Variants in CEP135 observed in about 807,000 individuals in gnomAD.
CEP135 encodes the protein centrosomal protein of 135 kDa.
In CEP135, 142 loss-of-function variants were observed where a neutral mutation model predicts 157.3. That is an observed-to-expected ratio of 0.90 (90% CI 0.79 to 1.04). CEP135 has a LOEUF of 1.04. Among genes scored for constraint, CEP135 ranks in the 50% least tolerant of loss-of-function variants. CEP135 has a pLI of 0.00. For synonymous variants in CEP135, 396 were observed against 439.8 expected (o/e 0.90, Z 1.25); for missense variants, 1,317 against 1,309.2 (o/e 1.01, Z -0.09).
chr4:56,022,804 C>T (rs979888048), intron 24 of CEP135, among the ~76,000 whole-genome samples: 20 of 152,022 alleles, frequency 1.3e-4, no homozygotes, highest in African/African-American at 4.6e-4. Flanking sequence ...ATGTGCAAGA[C>T]GATATGGTAG....
At chr4:55,978,151 C>G (rs1311309294) in intron 11 of CEP135, among the ~76,000 whole-genome samples, 1 of 152,112 alleles carries the variant, frequency 6.6e-6, no homozygotes, top group Non-Finnish European at 1.5e-5. Context: ...TTAGGGAAGT[C>G]AGTCAGTAAA....
intron 12 of CEP135, 30 bp from the exon 13 acceptor site, chr4:55,981,196 CT>C (rs771946521): frequency 1.9e-6 from 3 of 1,545,574 alleles, no homozygotes; most frequent in South Asian, 1.3e-5. Flanking sequence ...ACTAAAGTGC[CT>C]TTTTAATTTA....
Position 55,952,199 on chromosome 4 carries a change from G to C in CEP135, c.69G>C (p.Gln23His). 1 of 1,613,428 alleles carries C rather than the reference G, an allele frequency of 6.2e-7. No individual in the cohort carries two copies. The highest frequency in any genetic ancestry group is 8.5e-7 in the Non-Finnish European group (1 of 1,179,356). ...GGCTGGATCAGCTGGGATACCGCCA[G>C]ACTCTGACAGTGGAGTGTTTACCTT... ...RKRLDQLGYR[Q>H]TLTVECLPLV... Residue 23 changes from glutamine to histidine, a missense_variant, in exon 2 of 26, where the codon CAG (glutamine) becomes CAC (histidine). By Grantham distance (24) the Gln-to-His change is conservative. Coordinates refer to ENST00000257287, the MANE Select transcript of CEP135 (RefSeq NM_025009.5).
chr4:55,969,543 C>T (rs1037099786), intron 9 of CEP135, among the ~76,000 whole-genome samples: 20 of 151,852 alleles, frequency 1.3e-4, no homozygotes, highest in Non-Finnish European at 1.5e-5. Flanking sequence ...CTGGCCATTC[C>T]ATATAAAGGG....
chr4:55,957,920 T>C (rs942924680), intron 5 of CEP135, among the ~76,000 whole-genome samples: 1 of 152,172 alleles, frequency 6.6e-6, no homozygotes, highest in Non-Finnish European at 1.5e-5. Context: ...AAGCTTGTAG[T>C]CCAGTACTAG....
At chr4:55,973,865 T>C (rs1729106114) in intron 10 of CEP135, among the ~76,000 whole-genome samples, 1 of 152,150 alleles carries the variant, frequency 6.6e-6, no homozygotes, top group Non-Finnish European at 1.5e-5. Context: ...CATTCACCTC[T>C]GTTATGCTGA....
intron 21 of CEP135, among the ~76,000 whole-genome samples, chr4:56,015,005 G>A (rs1289694759): frequency 5.9e-5 from 9 of 152,002 alleles, no homozygotes; most frequent in Non-Finnish European, 1.3e-4. Flanking sequence ...TCATGCCACT[G>A]CACTCCAGCC....
chr4:55,961,291 G>A (rs1477978939), intron 6 of CEP135, among the ~76,000 whole-genome samples: 1 of 152,010 alleles, frequency 6.6e-6, no homozygotes, highest in East Asian at 1.9e-4. Flanking sequence ...AGGTGGCTGA[G>A]GTGTTTGGAG....
intron 25 of CEP135, among the ~76,000 whole-genome samples, chr4:56,027,556 G>C (rs1157469566): frequency 6.6e-6 from 1 of 152,204 alleles, no homozygotes; most frequent in Non-Finnish European, 1.5e-5. Context: ...AAATAGGCTT[G>C]ACCTTGTAGA....
chr4:55,967,179 C>G (rs970945755), intron 8 of CEP135, among the ~76,000 whole-genome samples: 10 of 151,776 alleles, frequency 6.6e-5, no homozygotes, highest in African/African-American at 2.4e-4. Context: ...TTTCCTGTAA[C>G]TGTAAGGTTC....
chr4:55,988,080 A>G (rs978332890), intron 14 of CEP135, among the ~76,000 whole-genome samples: 1 of 152,204 alleles, frequency 6.6e-6, no homozygotes, highest in African/African-American at 2.4e-5. Context: ...ACATTATGCA[A>G]CCATATTGAA....
intron 14 of CEP135, among the ~76,000 whole-genome samples, chr4:55,988,900 G>T (rs576408659): frequency 2.0e-5 from 3 of 149,026 alleles, no homozygotes; most frequent in South Asian, 2.2e-4. Context: ...TGCCGAGCTT[G>T]CAGTGAGCCG....
chr4:56,003,899 T>C (rs1730263683), intron 17 of CEP135, among the ~76,000 whole-genome samples: 1 of 152,110 alleles, frequency 6.6e-6, no homozygotes, highest in Non-Finnish European at 1.5e-5. Flanking sequence ...TTTTAATTTT[T>C]TTGTAGAGAC....
chr4:55,994,620 C>T (rs28678114), intron 15 of CEP135, among the ~76,000 whole-genome samples: 1 of 152,064 alleles, frequency 6.6e-6, no homozygotes, highest in Non-Finnish European at 1.5e-5. Flanking sequence ...TTTTTCCCTT[C>T]CTGCTTCAGG....
chr4:56,030,167 C>A (rs1731293995), intron 25 of CEP135, among the ~76,000 whole-genome samples: 1 of 152,142 alleles, frequency 6.6e-6, no homozygotes, highest in South Asian at 2.1e-4. Flanking sequence ...TATTCAGGGG[C>A]AATAACATTT....
At chr4:55,976,974 T>A (rs1729243523) in intron 11 of CEP135, among the ~76,000 whole-genome samples, 1 of 136,782 alleles carries the variant, frequency 7.3e-6, no homozygotes, top group Non-Finnish European at 1.5e-5. Context: ...CATGCCTGGC[T>A]TTTTTTTTTT....
chr4:55,971,128 T>C, intron 9 of CEP135, 142 bp from the exon 10 acceptor site: 1 of 478,300 alleles, frequency 2.1e-6, no homozygotes, highest in Non-Finnish European at 3.5e-6. Flanking sequence ...AATTGAAACC[T>C]TATATTTGAC....
intron 8 of CEP135, 28 bp from the exon 9 acceptor site, chr4:55,969,035 A>G (rs768747665): frequency 1.2e-5 from 19 of 1,549,664 alleles, no homozygotes; most frequent in South Asian, 2.3e-5. Context: ...ACTTTTAAGT[A>G]TATACCTAAT....
rs772829240 is a variant in CEP135, at chr4:55,954,350, G to T, written c.439G>T (p.Glu147Ter). 1 of 1,606,394 alleles carries T rather than the reference G, an allele frequency of 6.2e-7. No individual in the cohort carries two copies. The highest frequency in any genetic ancestry group is 8.5e-7 in the Non-Finnish European group (1 of 1,177,758). ...AKNERIQQLQ[E>*]KNLHAVVQTP... ...GAATGAAAGAATTCAACAACTTCAAGAAAAGAATTTGCATGCTGTAGTACA... is the reference window on the plus strand; with the variant it reads ...GAATGAAAGAATTCAACAACTTCAATAAAAGAATTTGCATGCTGTAGTACA... Residue 147 changes from glutamate to a stop codon, truncating the protein, a stop_gained, in exon 4 of 26, where the codon GAA becomes TAA. Coordinates refer to ENST00000257287, the MANE Select transcript of CEP135 (RefSeq NM_025009.5). LOFTEE classifies it high-confidence loss of function.
Sources: gnomAD v4.1 joint callset for allele counts (sites outside exome capture counted in the v4.1 genomes callset) on GRCh38, gnomAD v4.1.1 for gene constraint, MANE v1.5 for transcripts, NCBI Gene and HGNC (gene_info 2026-07-23, HGNC 2026-07-21) for gene names.